PI4K2A: variants seen among roughly 807,000 people sequenced by gnomAD.
The protein encoded by PI4K2A is phosphatidylinositol 4-kinase type 2-alpha.
In PI4K2A, 20 loss-of-function variants were observed where a neutral mutation model predicts 55.0. The ratio of observed to expected loss-of-function variants is 0.36; its 90% CI spans 0.26 to 0.53. The LOEUF (loss-of-function observed/expected upper bound fraction) is 0.53. Ranked by LOEUF, PI4K2A falls within the 20% of genes least tolerant of loss-of-function variation. The pLI is 0.91. For synonymous variants in PI4K2A, 235 were observed against 258.5 expected, an observed-to-expected ratio of 0.91 and a Z score of 0.87; for missense variants, 463 against 637.1, an observed-to-expected ratio of 0.73 and a Z score of 2.94.
intron 8 of PI4K2A, among the ~76,000 whole-genome samples, chr10:97,672,783 G>C (rs190403271): frequency 7.4e-6 from 1 of 135,098 alleles, no homozygotes; most frequent in South Asian, 2.4e-4. Flanking sequence ...CCAGGCTGGA[G>C]TACGGTGACA....
At chr10:97,673,857 C>A in exon 9 of PI4K2A, 1 of 908,160 alleles carries the variant, frequency 1.1e-6, no homozygotes, top group Non-Finnish European at 1.7e-6. Context: ...AGAGCCCTCT[C>A]TCTCTGCTTG....
intron 6 of PI4K2A, 127 bp downstream of exon 6, chr10:97,665,111 C>A: frequency 1.7e-6 from 1 of 596,094 alleles, no homozygotes; most frequent in Non-Finnish European, 3.0e-6. Context: ...GGAGTTCAGG[C>A]ACTTTAACAC....
At chr10:97,666,394 A>G (rs752468437) in intron 6 of PI4K2A, 44 bp from the exon 7 acceptor site, 1 of 1,594,590 alleles carries the variant, frequency 6.3e-7, no homozygotes, top group East Asian at 2.2e-5. Flanking sequence ...ATGAGCAGGG[A>G]CTTTTCCAAC....
At chr10:97,647,144 G>A (rs1261099509) in intron 1 of PI4K2A, among the ~76,000 whole-genome samples, 1 of 152,042 alleles carries the variant, frequency 6.6e-6, no homozygotes, top group African/African-American at 2.4e-5. Flanking sequence ...GCTTTCTTGT[G>A]TGATTTGGTT....
In PI4K2A at chr10:97,656,278, A is replaced by G. The variant is rs2041553996; in HGVS notation, c.637-7A>G. On this transcript the variant is annotated splice_polypyrimidine_tract_variant and splice_region_variant and intron_variant, in intron 2 of 8. Coordinates refer to ENST00000370631, the Ensembl canonical transcript of PI4K2A. This position sits in a 1 kb window ranked among gnomAD's most constrained non-coding sequence, Gnocchi z 4.5. ...CTAACCTTAGTATCTCTTCTCTTTCACTGTAGGTAGTATACCTGGCCAGTG... is the reference window on the plus strand; with the variant it reads ...CTAACCTTAGTATCTCTTCTCTTTCGCTGTAGGTAGTATACCTGGCCAGTG... 5 of 1,611,728 alleles carry G rather than the reference A, an allele frequency of 3.1e-6. No homozygotes were observed. In the South Asian group the frequency reaches 4.4e-5, roughly 14 times the overall value.
At chr10:97,650,846 G>A in intron 1 of PI4K2A, 95 bp from the exon 2 acceptor site, 1 of 887,562 alleles carries the variant, frequency 1.1e-6, no homozygotes, top group Non-Finnish European at 1.8e-6. Context: ...GTCTGCCTAT[G>A]CCCTGTCATT....
chr10:97,669,174 G>A (rs766859553), intron 8 of PI4K2A, among the ~76,000 whole-genome samples: 29 of 152,136 alleles, frequency 1.9e-4, no homozygotes, highest in Non-Finnish European at 4.0e-4. Context: ...CCTGGACAGA[G>A]GTTTTAAGAA....
chr10:97,660,043 C>T (rs1164315370), intron 4 of PI4K2A, among the ~76,000 whole-genome samples: 4 of 149,448 alleles, frequency 2.7e-5, no homozygotes, highest in Non-Finnish European at 1.5e-5. Flanking sequence ...GCTCTGTCAC[C>T]CAGGCTGGAG....
intron 1 of PI4K2A, among the ~76,000 whole-genome samples, chr10:97,642,487 G>A (rs764789072): frequency 6.7e-6 from 1 of 149,698 alleles, no homozygotes; most frequent in Non-Finnish European, 1.5e-5. Flanking sequence ...TGCAGCCTCC[G>A]CCTCCCAGGT....
intron 1 of PI4K2A, among the ~76,000 whole-genome samples, chr10:97,642,828 TTCC>T (rs1252348928): frequency 0.1 from 480 of 4,748 alleles, 60 homozygotes; most frequent in African/African-American, 0.14. Context: ...CCTTCCTTCC[TTCC>T]TTCCTTCCTT....
chr10:97,673,346 T>C (rs2041645967), intron 8 of PI4K2A, among the ~76,000 whole-genome samples: 1 of 152,222 alleles, frequency 6.6e-6, no homozygotes, highest in Non-Finnish European at 1.5e-5. Context: ...GTATCTTTAC[T>C]AACTGGAGGG....
At chr10:97,642,888 C>CTTTCTTTCTTTCTTT (rs1452827494) in intron 1 of PI4K2A, among the ~76,000 whole-genome samples, 1 of 64,394 alleles carries the variant, frequency 1.6e-5, no homozygotes, top group Non-Finnish European at 3.2e-5. Context: ...TTTCTTTCTT[C>CTTTCTTTCTTTCTTT]CTTCCTTCCT....
At chr10:97,658,102 G>T (rs1260819803) in intron 4 of PI4K2A, among the ~76,000 whole-genome samples, 1 of 152,166 alleles carries the variant, frequency 6.6e-6, no homozygotes, top group Non-Finnish European at 1.5e-5. Context: ...AAAGTGCTGG[G>T]ATTACAGGTG....
At chr10:97,652,595 C>G (rs541960063) in intron 2 of PI4K2A, among the ~76,000 whole-genome samples, 1 of 152,074 alleles carries the variant, frequency 6.6e-6, no homozygotes, top group Admixed American at 6.6e-5. Flanking sequence ...GCCACCACAC[C>G]CAGCCTTAAA....
chr10:97,663,713 G>A (rs1421636592), intron 5 of PI4K2A, among the ~76,000 whole-genome samples: 1 of 151,168 alleles, frequency 6.6e-6, no homozygotes, highest in Non-Finnish European at 1.5e-5. Context: ...CTAGCTACTC[G>A]GGAGGCTGAG....
At position 97,656,347 on chromosome 10, in the gene PI4K2A, C is replaced by G; in HGVS notation, c.699C>G (p.Gly233=). The change falls in exon 3 of 9, where the codon GGC becomes GGG. Residue 233 remains glycine, a synonymous_variant. Transcript: ENST00000370631. The surrounding 1 kb of genome is among the most constrained non-coding windows in gnomAD (Gnocchi z 4.5). ...CCATTGACCGAGTGAAGTCCAGGGG[C>G]AAGCGGCTTGCACTAGAGAAAGTGC... 1 of 1,613,734 alleles carries G rather than the reference C, an allele frequency of 6.2e-7. No homozygotes were observed. The highest frequency in any genetic ancestry group is 8.5e-7 in the Non-Finnish European group (1 of 1,179,628).
chr10:97,646,767 G>C (rs2041507123), intron 1 of PI4K2A, among the ~76,000 whole-genome samples: 1 of 151,870 alleles, frequency 6.6e-6, no homozygotes, highest in South Asian at 2.1e-4. Context: ...CCAGGTTCCA[G>C]TAATTTTTTG....
chr10:97,651,027 C>T, exon 2 of PI4K2A: 1 of 1,614,010 alleles, frequency 6.2e-7, no homozygotes, highest in East Asian at 2.2e-5. Context: ...AGAAGCTGTG[C>T]TGTCCTTGCT....
At chr10:97,643,535 A>G (rs1411632971) in intron 1 of PI4K2A, among the ~76,000 whole-genome samples, 2 of 152,154 alleles carry the variant, frequency 1.3e-5, no homozygotes, top group Non-Finnish European at 2.9e-5. Flanking sequence ...GGCCACAGAG[A>G]AGGACAGACC....
Sources: allele counts gnomAD v4.1 joint callset (sites outside exome capture counted in the v4.1 genomes callset), GRCh38; gene constraint gnomAD v4.1.1; non-coding constraint Gnocchi (gnomAD v3.1); transcripts MANE v1.5; gene names NCBI Gene and HGNC (gene_info 2026-07-23, HGNC 2026-07-21).